The following SPTBN4 variants were observed in gnomAD, a reference collection of about 807,000 sequenced individuals.
The protein encoded by SPTBN4 is spectrin beta, non-erythrocytic 4.
Under a neutral mutation model 277.8 loss-of-function variants are expected in SPTBN4, and 96 were observed. The observed-to-expected ratio is 0.35, with a 90% CI of 0.29 to 0.41. The LOEUF is 0.41. Ranked by LOEUF, SPTBN4 falls within the 10% of genes least tolerant of loss-of-function variation. SPTBN4 has a pLI of 1.00. For missense variants in SPTBN4, 3,006 were observed against 3,595.7 expected (o/e 0.84, Z 4.19); for synonymous variants, 1,481 against 1,580.3 (o/e 0.94, Z 1.49).
chr19:40,488,807 T>TTC (rs1223394436), intron 3 of SPTBN4, among the ~76,000 whole-genome samples: 1 of 151,672 alleles, frequency 6.6e-6, no homozygotes, highest in Non-Finnish European at 1.5e-5. Flanking sequence ...GAGACTCTGT[T>TTC]TCTCTCTCTT....
chr19:40,526,154 G>T lies in SPTBN4; in HGVS notation c.3857+2515G>T, dbSNP rs375944200. On this transcript the variant is annotated intron_variant, in intron 17 of 35. Transcript: ENST00000598249. ...CTGGCCCCTCACCTGGAACCTGTGT[G>T]TGAGGTGCTGTTCTTTTTTTTTTTT... 8.7e-5 allele frequency among the ~76,000 whole-genome samples: 13 copies of T among 148,866 alleles called. 1 individual carries two copies. Among genetic ancestry groups the T allele is most frequent in the African/African-American group, 3.2e-4 (13 of 40,420 alleles).
At chr19:40,548,203 T>C (rs2080878802) in intron 20 of SPTBN4, among the ~76,000 whole-genome samples, 1 of 152,210 alleles carries the variant, frequency 6.6e-6, no homozygotes, top group Non-Finnish European at 1.5e-5. Context: ...TTTTTGATAA[T>C]TTCTTACTAT....
At chr19:40,511,577 A>T (rs77315262) in intron 13 of SPTBN4, among the ~76,000 whole-genome samples, 42,156 of 152,148 alleles carry the variant, frequency 0.28, 5,992 homozygotes, top group African/African-American at 0.31. Context: ...CCAACTAGCC[A>T]TCCAGGAGGA....
chr19:40,566,112 A>C (rs867927719), intron 29 of SPTBN4, 51 bp from the exon 30 acceptor site: 12 of 1,449,476 alleles, frequency 8.3e-6, no homozygotes, highest in Middle Eastern at 2.5e-4. Context: ...CATTGCCCCC[A>C]GGAAGGGCCC....
At chr19:40,494,842 T>C (rs2080178060) in intron 5 of SPTBN4, 55 bp from the exon 6 acceptor site, 1 of 1,533,952 alleles carries the variant, frequency 6.5e-7, no homozygotes, top group Non-Finnish European at 9.0e-7. Context: ...TTTTCCCCTT[T>C]CTTCCCTCCT....
At position 40,549,182 on chromosome 19, in the gene SPTBN4, C is replaced by A; in HGVS notation, c.4360-7C>A. ...GGGGCCCATTGACCCTGCCTCTGTC[C>A]CCACAGTCCATGGAGTCGCAGGTGG... is the stretch of plus-strand genomic sequence containing the variant. On this transcript the variant is annotated splice_region_variant and splice_polypyrimidine_tract_variant and intron_variant, in intron 20 of 35. Coordinates refer to ENST00000598249, the MANE Select transcript of SPTBN4 (RefSeq NM_020971.3). 1 of 1,539,046 alleles carries A rather than the reference C, an allele frequency of 6.5e-7. No homozygotes were observed. Among genetic ancestry groups the A allele is most frequent in the Non-Finnish European group, 8.8e-7 (1 of 1,142,462 alleles).
At chr19:40,468,062 C>T (rs1568746869) in intron 1 of SPTBN4, among the ~76,000 whole-genome samples, 3 of 149,680 alleles carry the variant, frequency 2.0e-5, no homozygotes, top group African/African-American at 7.5e-5. Flanking sequence ...CGCTAAGAAA[C>T]GGGTACGATT....
intron 20 of SPTBN4, among the ~76,000 whole-genome samples, chr19:40,539,082 C>G (rs2080770473): frequency 6.6e-6 from 1 of 152,232 alleles, no homozygotes; most frequent in Non-Finnish European, 1.5e-5. Context: ...AAGCATCCAT[C>G]CACCTCGGCC....
At chr19:40,532,485 A>G (rs1465117785) in intron 18 of SPTBN4, 140 bp from the exon 19 acceptor site, 2 of 1,115,166 alleles carry the variant, frequency 1.8e-6, no homozygotes, top group African/African-American at 3.2e-5. Context: ...CCTCACTTGC[A>G]AAGGTTTTTT....
intron 1 of SPTBN4, among the ~76,000 whole-genome samples, chr19:40,467,588 G>T (rs990559041): frequency 6.6e-6 from 1 of 151,198 alleles, no homozygotes; most frequent in African/African-American, 2.4e-5. Flanking sequence ...TAAAGCCTCT[G>T]ATGCCACCGC....
chr19:40,528,813 A>G (rs2080625888), intron 17 of SPTBN4, among the ~76,000 whole-genome samples: 1 of 150,076 alleles, frequency 6.7e-6, no homozygotes, highest in Admixed American at 6.6e-5. Flanking sequence ...TTTCTTTCTA[A>G]GTGCCTGTCT....
chr19:40,515,363 G>A lies in SPTBN4; in HGVS notation c.2818G>A (p.Val940Met), dbSNP rs747848984. Residue 940 changes from valine to methionine, a missense_variant, in exon 15 of 36, where the codon GTG (valine) becomes ATG (methionine). Around this residue, in one of 5 missense-constraint regions of SPTBN4, gnomAD observed 1,759 missense variants for 2,061.5 expected, o/e 0.85. Transcript: ENST00000598249. This position sits in a 1 kb window ranked among gnomAD's most constrained non-coding sequence, Gnocchi z 4.1. ...MNSLMGRVLD[V>M]NHTVQELVEG... ...CAGCCTGATGGGCCGCGTTCTGGAC[G>A]TGAACCACACAGTCCAGGAGCTGGT... 9.3e-6 allele frequency: 15 copies of A among 1,609,708 alleles called. No individual in the cohort carries two copies. The Admixed American group carries it at 1.2e-4, about 13-fold the overall frequency.
intron 30 of SPTBN4, chr19:40,566,987 CAAAA>C (rs201200184): frequency 1.6e-5 from 4 of 245,198 alleles, no homozygotes; most frequent in Middle Eastern, 1.0e-3. Context: ...AAAAAAACAA[CAAAA>C]AAAAACCGCT....
Position 40,549,418 on chromosome 19 carries a change from G to C in SPTBN4, c.4584+5G>C. The C allele has an allele frequency of 6.9e-7, 1 of 1,445,872 alleles. No individual in the cohort carries two copies. The highest frequency in any genetic ancestry group is 9.1e-7 in the Non-Finnish European group (1 of 1,101,834). 89.6% of individuals were successfully genotyped at this position (1,445,872 alleles called of 1,614,324 possible). A position where few individuals can be genotyped will look rare whatever the true frequency, so the allele number is the denominator to read the frequency against. ...CACGACCTGGACGACGAGCTGGTGA[G>C]GCCAGCGCAGGGGCCTGGGGCGGGG... On this transcript the variant is annotated splice_donor_5th_base_variant and intron_variant, in intron 21 of 35. Coordinates refer to ENST00000598249, the MANE Select transcript of SPTBN4 (RefSeq NM_020971.3).
At chr19:40,545,634 G>T (rs1017547381) in intron 20 of SPTBN4, among the ~76,000 whole-genome samples, 1 of 152,018 alleles carries the variant, frequency 6.6e-6, no homozygotes, top group Admixed American at 6.6e-5. Context: ...TTGGCCAGGC[G>T]CAGTGGCTCA....
intron 20 of SPTBN4, among the ~76,000 whole-genome samples, chr19:40,548,225 A>C (rs1457314038): frequency 6.6e-6 from 1 of 152,100 alleles, no homozygotes; most frequent in Non-Finnish European, 1.5e-5. Context: ...AAATTTTTTT[A>C]TCCGGTAATC....
chr19:40,549,524 G>T lies in SPTBN4; in HGVS notation c.4584+111G>T, dbSNP rs989436301. Reference sequence around the variant, plus strand: ...ACGGCTGAGACCCTCCCACTCATACGCTGAAAGACGCATTCAGCCGTTCAC... The same window carrying T: ...ACGGCTGAGACCCTCCCACTCATACTCTGAAAGACGCATTCAGCCGTTCAC... On this transcript the variant is annotated intron_variant, in intron 21 of 35. Transcript: ENST00000598249. 1.8e-5 allele frequency: 14 copies of T among 799,820 alleles called. No individual in the cohort carries two copies. In the South Asian group the frequency reaches 2.6e-4, roughly 15 times the overall value. The allele number at this position is 799,820 out of a possible 1,614,324, so 49.5% of individuals were successfully genotyped here.
intron 2 of SPTBN4, among the ~76,000 whole-genome samples, chr19:40,485,005 G>A (rs933678581): frequency 9.4e-5 from 14 of 149,442 alleles, no homozygotes; most frequent in South Asian, 4.3e-4. Flanking sequence ...CACCATGCCC[G>A]CTAATTTTTG....
At chr19:40,538,159 C>T (rs1221515332) in intron 20 of SPTBN4, among the ~76,000 whole-genome samples, 3 of 151,826 alleles carry the variant, frequency 2.0e-5, no homozygotes, top group East Asian at 3.9e-4. Context: ...GAGGCCAAGG[C>T]GGGTGGTTCA....
Sources: allele counts gnomAD v4.1 joint callset (sites outside exome capture counted in the v4.1 genomes callset), GRCh38; gene constraint gnomAD v4.1.1; regional missense constraint gnomAD v4.1.1; non-coding constraint Gnocchi (gnomAD v3.1); transcripts MANE v1.5; gene names NCBI Gene and HGNC (gene_info 2026-07-23, HGNC 2026-07-21).